PHF21A: variants seen among roughly 807,000 people sequenced by gnomAD.
PHF21A encodes the protein PHD finger protein 21A.
PHF21A carries 11 observed loss-of-function variants against 82.5 expected under a neutral mutation model. The ratio of observed to expected loss-of-function variants is 0.13; its 90% confidence interval spans 0.08 to 0.22. PHF21A has a LOEUF of 0.22. Among genes scored for constraint, PHF21A ranks in the 10% least tolerant of loss-of-function variants. The pLI is 1.00. For synonymous variants in PHF21A, 297 were observed against 302.8 expected, an observed-to-expected ratio of 0.98 and a Z score of 0.20; for missense variants, 579 against 837.8, an observed-to-expected ratio of 0.69 and a Z score of 3.81.
At chr11:45,947,710 G>A (rs2091500026) in intron 14 of PHF21A, among the ~76,000 whole-genome samples, 1 of 152,058 alleles carries the variant, frequency 6.6e-6, no homozygotes, top group Non-Finnish European at 1.5e-5. Context: ...GCCAATTATT[G>A]TGGCTTCTGG....
In PHF21A at chr11:46,067,361, G is replaced by A. The variant is rs2096606500; in HGVS notation, c.153+9393C>T. Among the ~76,000 whole-genome samples the A allele has an allele frequency of 2.6e-5, 4 of 151,998 alleles. No individual in the cohort carries two copies. The South Asian group carries it at 8.3e-4, about 31-fold the overall frequency. ...GCGGGCATGAGTGAGAAAATGAAGG[G>A]TTTTCTGAGGTAAGTGACGTAGTAA... On this transcript the variant is annotated intron_variant, in intron 6 of 18. Coordinates refer to ENST00000676320, the MANE Select transcript of PHF21A (RefSeq NM_001352027.3).
chr11:46,034,732 T>C (rs1027104421), intron 6 of PHF21A, among the ~76,000 whole-genome samples: 8 of 152,020 alleles, frequency 5.3e-5, no homozygotes, highest in Non-Finnish European at 1.0e-4. Flanking sequence ...ATCCACACAC[T>C]GAGACACACG....
chr11:46,050,203 A>G (rs957975374), intron 6 of PHF21A, among the ~76,000 whole-genome samples: 7 of 152,266 alleles, frequency 4.6e-5, no homozygotes, highest in African/African-American at 1.4e-4. Flanking sequence ...GCCTAGGCCA[A>G]AGCTACAGTA....
chr11:46,088,700 C>T (rs1199467091), intron 3 of PHF21A, among the ~76,000 whole-genome samples: 1 of 152,196 alleles, frequency 6.6e-6, no homozygotes, highest in Non-Finnish European at 1.5e-5. Flanking sequence ...AAGCCCTTTG[C>T]AAACTGTAAA....
At chr11:45,965,025 G>A (rs911305082) in intron 10 of PHF21A, among the ~76,000 whole-genome samples, 7 of 152,138 alleles carry the variant, frequency 4.6e-5, no homozygotes, top group Admixed American at 2.0e-4. Context: ...GCTTACTGAC[G>A]GAGGGCAGCA....
At chr11:46,043,804 T>C (rs1301820339) in intron 6 of PHF21A, among the ~76,000 whole-genome samples, 2 of 152,172 alleles carry the variant, frequency 1.3e-5, no homozygotes, top group Non-Finnish European at 2.9e-5. Flanking sequence ...CACATTGAAA[T>C]GAATGCTCAC....
chr11:46,088,082 A>C (rs553514936), intron 3 of PHF21A, among the ~76,000 whole-genome samples: 1 of 152,328 alleles, frequency 6.6e-6, no homozygotes, highest in East Asian at 1.9e-4. Flanking sequence ...GGTCTTGGAC[A>C]TCTCATGCAG....
At chr11:45,935,835 TC>T in intron 17 of PHF21A, 96 bp from the exon 18 acceptor site, 1 of 672,108 alleles carries the variant, frequency 1.5e-6, no homozygotes, top group Non-Finnish European at 2.5e-6. Flanking sequence ...GAAGGTATTT[TC>T]CCCAGAGCTC....
intron 1 of PHF21A, chr11:46,119,855 G>T (rs1037591368): frequency 6.7e-6 from 1 of 149,668 alleles, no homozygotes; most frequent in African/African-American, 2.4e-5. Context: ...GGACCAAACG[G>T]AAAGAGTCCC....
chr11:45,964,200 A>AATAATAATAATAATAAT (rs2093293234), intron 10 of PHF21A, among the ~76,000 whole-genome samples: 6 of 134,608 alleles, frequency 4.5e-5, no homozygotes, highest in Admixed American at 1.5e-4. Flanking sequence ...CTCCATCTCA[A>AATAATAATAATAATAAT]AATAATAATA....
chr11:45,999,384 G>C (rs1390485645), intron 6 of PHF21A, among the ~76,000 whole-genome samples: 2 of 152,190 alleles, frequency 1.3e-5, no homozygotes, highest in Admixed American at 1.3e-4. Flanking sequence ...TTCCCTGCTA[G>C]TGGTTGATTA....
chr11:45,970,136 A>G (rs1483456851), intron 8 of PHF21A: 1 of 443,144 alleles, frequency 2.3e-6, no homozygotes, highest in Non-Finnish European at 4.0e-6. Flanking sequence ...CACCTAATGG[A>G]GAACATAGCA....
chr11:46,097,378 A>G (rs2097015323), intron 1 of PHF21A, among the ~76,000 whole-genome samples: 2 of 152,070 alleles, frequency 1.3e-5, no homozygotes, highest in African/African-American at 4.8e-5. Flanking sequence ...AATCCTTTCC[A>G]GCAACACTGG....
chr11:46,096,463 A>C (rs2096997781), intron 1 of PHF21A, among the ~76,000 whole-genome samples: 1 of 152,100 alleles, frequency 6.6e-6, no homozygotes, highest in African/African-American at 2.4e-5. Context: ...TCTTGTGAAG[A>C]TCACCAATGA....
Position 45,953,565 on chromosome 11 carries a change from G to A in PHF21A, c.1057C>T (p.Pro353Ser). 2.5e-6 allele frequency: 4 copies of A among 1,613,988 alleles called. No individual in the cohort carries two copies. The highest frequency in any genetic ancestry group is 3.4e-6 in the Non-Finnish European group (4 of 1,179,874). The change falls in exon 11 of 19, where the codon CCT becomes TCT. Residue 353 changes from proline to serine, a missense_variant. Pro to Ser is a moderately conservative substitution (Grantham distance 74). Coordinates refer to ENST00000676320, the MANE Select transcript of PHF21A (RefSeq NM_001352027.3). Reference protein sequence around the residue: ...KQTESRTITPPAAPKPKREEN... With the variant: ...KQTESRTITPSAAPKPKREEN... ...TCCCGTTTTGGTTTGGGTGCAGCAG[G>A]TGGGGTGATGGTGCGGCTCTCTGTT...
At chr11:46,046,065 A>C (rs1291082277) in intron 6 of PHF21A, among the ~76,000 whole-genome samples, 1 of 152,222 alleles carries the variant, frequency 6.6e-6, no homozygotes, top group Non-Finnish European at 1.5e-5. Flanking sequence ...GAGCTCTGGC[A>C]TTCAGCTAGC....
At chr11:45,997,227 C>T (rs997994561) in intron 6 of PHF21A, among the ~76,000 whole-genome samples, 3 of 152,042 alleles carry the variant, frequency 2.0e-5, no homozygotes, top group African/African-American at 7.2e-5. Context: ...GATTTTTTTC[C>T]ATGAATGTTT....
At chr11:45,960,641 CTAAA>C (rs2093019757) in intron 10 of PHF21A, among the ~76,000 whole-genome samples, 1 of 152,084 alleles carries the variant, frequency 6.6e-6, no homozygotes. Context: ...TGTGAATATA[CTAAA>C]TGCCACTGAA....
chr11:45,950,274 A>G lies in PHF21A; in HGVS notation c.1096-17T>C, dbSNP rs7937149. On this transcript the variant is annotated splice_polypyrimidine_tract_variant and intron_variant, in intron 11 of 18. Coordinates refer to ENST00000676320, the MANE Select transcript of PHF21A (RefSeq NM_001352027.3). ...GGCAAGTTTCTGTGCCAGAGAAACAAAAGAAGAATATGCTTCAGTCTGGGT... is the reference window on the plus strand; with the variant it reads ...GGCAAGTTTCTGTGCCAGAGAAACAGAAGAAGAATATGCTTCAGTCTGGGT... The G allele has an allele frequency of 2.7e-5, 43 of 1,609,326 alleles. No homozygotes were observed. Among genetic ancestry groups the G allele is most frequent in the Non-Finnish European group, 3.7e-5 (43 of 1,176,632 alleles).
Sources: allele counts gnomAD v4.1 joint callset (sites outside exome capture counted in the v4.1 genomes callset), GRCh38; gene constraint gnomAD v4.1.1; transcripts MANE v1.5; gene names NCBI Gene and HGNC (gene_info 2026-07-23, HGNC 2026-07-21).